FBXL7: variants seen among roughly 807,000 people sequenced by gnomAD.
FBXL7 encodes the protein F-box and leucine rich repeat protein 7.
FBXL7 carries 12 observed loss-of-function variants against 38.3 expected under a neutral mutation model. The observed-to-expected ratio is 0.31, with a 90% CI of 0.20 to 0.51. The LOEUF is 0.51. Among genes scored for constraint, FBXL7 ranks in the 20% least tolerant of loss-of-function variants. The pLI, the probability that FBXL7 is intolerant of heterozygous loss-of-function variation, is 0.98. For synonymous variants in FBXL7, 297 were observed against 300.9 expected, an observed-to-expected ratio of 0.99 and a Z score of 0.13; for missense variants, 567 against 676.4, an observed-to-expected ratio of 0.84 and a Z score of 1.79.
At chr5:15,619,206 T>C (rs1228401182) in intron 2 of FBXL7, among the ~76,000 whole-genome samples, 1 of 152,180 alleles carries the variant, frequency 6.6e-6, no homozygotes, top group Non-Finnish European at 1.5e-5. Flanking sequence ...CGGAAGATCA[T>C]ACTTAGCCAT....
chr5:15,634,229 G>A (rs1463610852), intron 2 of FBXL7, among the ~76,000 whole-genome samples: 1 of 152,012 alleles, frequency 6.6e-6, no homozygotes, highest in Non-Finnish European at 1.5e-5. Context: ...ACACCTGTGT[G>A]GGGAGGTGGG....
At chr5:15,769,431 G>A (rs1211511390) in intron 2 of FBXL7, among the ~76,000 whole-genome samples, 1 of 152,118 alleles carries the variant, frequency 6.6e-6, no homozygotes, top group East Asian at 1.9e-4. Flanking sequence ...TAATCCATGC[G>A]CTACTCATCT....
chr5:15,747,276 G>A (rs764071063), intron 2 of FBXL7, among the ~76,000 whole-genome samples: 5 of 152,140 alleles, frequency 3.3e-5, no homozygotes, highest in Non-Finnish European at 7.3e-5. Flanking sequence ...GCTTTTACAC[G>A]TTCCTTCCCC....
At chr5:15,870,763 T>G (rs940795930) in intron 2 of FBXL7, among the ~76,000 whole-genome samples, 1 of 152,136 alleles carries the variant, frequency 6.6e-6, no homozygotes, top group Non-Finnish European at 1.5e-5. Context: ...CTCTCTAGAT[T>G]CCTCCTCTCT....
intron 2 of FBXL7, among the ~76,000 whole-genome samples, chr5:15,809,518 C>T (rs568221082): frequency 3.9e-5 from 6 of 152,168 alleles, no homozygotes; most frequent in African/African-American, 1.2e-4. Flanking sequence ...GGCACTGAGC[C>T]TAATATAGAG....
At chr5:15,780,160 A>AT (rs1736955586) in intron 2 of FBXL7, among the ~76,000 whole-genome samples, 3 of 152,066 alleles carry the variant, frequency 2.0e-5, no homozygotes, top group Non-Finnish European at 4.4e-5. Flanking sequence ...GTGTCTATAT[A>AT]TTTTTTTCAC....
chr5:15,928,515 G>T lies in FBXL7; in HGVS notation c.739+14G>T. 1 of 1,599,666 alleles carries T rather than the reference G, an allele frequency of 6.3e-7. No homozygotes were observed. Among genetic ancestry groups the T allele is most frequent in the South Asian group, 1.1e-5 (1 of 89,014 alleles). On this transcript the variant is annotated intron_variant, in intron 3 of 3. Coordinates refer to ENST00000504595, the MANE Select transcript of FBXL7 (RefSeq NM_012304.5). The surrounding 1 kb of genome is among the most constrained non-coding windows in gnomAD (Gnocchi z 4.0). ...TGGATGTGTCAGGTAAATGGACACT[G>T]ACCTACCAGCTATGGGCCCTCCTGG...
chr5:15,770,904 A>C (rs555372974), intron 2 of FBXL7, among the ~76,000 whole-genome samples: 97 of 152,300 alleles, frequency 6.4e-4, no homozygotes, highest in African/African-American at 2.2e-3. Flanking sequence ...GCACGATGTT[A>C]GATTAGGAAA....
At chr5:15,743,260 G>A (rs1483163768) in intron 2 of FBXL7, among the ~76,000 whole-genome samples, 1 of 152,172 alleles carries the variant, frequency 6.6e-6, no homozygotes, top group Non-Finnish European at 1.5e-5. Flanking sequence ...TTCTGCCCAT[G>A]AGCCTGTAAA....
Position 15,938,778 on chromosome 5 carries a change from A to G in FBXL7, c.*1592A>G, listed in dbSNP as rs559365102. ...AATTATCTTATTTGGATAGAAGTCT[A>G]TATTCTAGCCTCATTTGCATGAAGT... On this transcript the variant is annotated 3_prime_UTR_variant, in exon 4 of 4. Coordinates refer to ENST00000504595, the MANE Select transcript of FBXL7 (RefSeq NM_012304.5). 1 of 389,850 alleles carries G rather than the reference A, an allele frequency of 2.6e-6. No individual in the cohort carries two copies. Among genetic ancestry groups the G allele is most frequent in the Non-Finnish European group, 4.5e-6 (1 of 221,130 alleles). 24.1% of individuals were successfully genotyped at this position (389,850 alleles called of 1,614,324 possible).
chr5:15,724,528 A>T (rs1744288740), intron 2 of FBXL7, among the ~76,000 whole-genome samples: 2 of 152,174 alleles, frequency 1.3e-5, no homozygotes, highest in South Asian at 4.1e-4. Flanking sequence ...CCAGGAAACC[A>T]TGAATTCACT....
At chr5:15,618,426 A>G (rs1048200539) in intron 2 of FBXL7, among the ~76,000 whole-genome samples, 3 of 152,296 alleles carry the variant, frequency 2.0e-5, no homozygotes, top group Admixed American at 2.0e-4. Context: ...AGTTTTTTTA[A>G]TCAATTAAAA....
At chr5:15,753,309 A>G (rs10520822) in intron 2 of FBXL7, among the ~76,000 whole-genome samples, 1 of 151,986 alleles carries the variant, frequency 6.6e-6, no homozygotes, top group Non-Finnish European at 1.5e-5. Context: ...CAGCTATCCA[A>G]ATTGGCTCAA....
intron 2 of FBXL7, among the ~76,000 whole-genome samples, chr5:15,874,266 G>A (rs1740104645): frequency 6.6e-6 from 1 of 152,028 alleles, no homozygotes; most frequent in Non-Finnish European, 1.5e-5. Context: ...GATGAAACAT[G>A]TCTCAAAATA....
Position 15,928,289 on chromosome 5 carries a change from G to C in FBXL7, c.527G>C (p.Arg176Thr). The change falls in exon 3 of 4, where the codon AGA becomes ACA. Residue 176 changes from arginine (R) to threonine (T), a missense_variant. Transcript: ENST00000504595. This position sits in a 1 kb window ranked among gnomAD's most constrained non-coding sequence, Gnocchi z 4.0. ...VDRALKVLTRRLCQDTPNVCL... is the reference protein window; with the variant it reads ...VDRALKVLTRTLCQDTPNVCL... ...CGCGCCCTCAAGGTGCTGACCCGCA[G>C]ACTCTGCCAGGACACCCCCAACGTG... 6.2e-7 allele frequency: 1 copy of C among 1,613,328 alleles called. No individual in the cohort carries two copies. Among genetic ancestry groups the C allele is most frequent in the Non-Finnish European group, 8.5e-7 (1 of 1,179,616 alleles).
intron 2 of FBXL7, among the ~76,000 whole-genome samples, chr5:15,707,174 G>GTT (rs71603796): frequency 0.059 from 4,158 of 70,488 alleles, 503 homozygotes; most frequent in East Asian, 0.26. Context: ...TTTTCTTTTC[G>GTT]TTTTTTTTTT....
At chr5:15,783,415 A>G (rs1737050669) in intron 2 of FBXL7, among the ~76,000 whole-genome samples, 1 of 152,186 alleles carries the variant, frequency 6.6e-6, no homozygotes, top group African/African-American at 2.4e-5. Flanking sequence ...AGGTGACATC[A>G]AGGTCAGGAC....
At chr5:15,754,132 T>C (rs1322492326) in intron 2 of FBXL7, among the ~76,000 whole-genome samples, 1 of 152,194 alleles carries the variant, frequency 6.6e-6, no homozygotes, top group Non-Finnish European at 1.5e-5. Flanking sequence ...CAGGTGATAA[T>C]GATGCTGGTG....
At chr5:15,802,481 A>G (rs990516199) in intron 2 of FBXL7, among the ~76,000 whole-genome samples, 3 of 151,384 alleles carry the variant, frequency 2.0e-5, no homozygotes, top group African/African-American at 4.9e-5. Context: ...TCCTTTGACC[A>G]TGCTAGCTTA....
Sources: allele counts gnomAD v4.1 joint callset (sites outside exome capture counted in the v4.1 genomes callset), GRCh38; gene constraint gnomAD v4.1.1; non-coding constraint Gnocchi (gnomAD v3.1); transcripts MANE v1.5; gene names NCBI Gene and HGNC (gene_info 2026-07-23, HGNC 2026-07-21).